Variants in CNOT4 observed in about 807,000 individuals in gnomAD.
CNOT4 encodes the protein CCR4-associated factor 4.
CNOT4 carries 8 observed loss-of-function variants against 73.8 expected under a neutral mutation model. The ratio of observed to expected loss-of-function variants is 0.11; its 90% CI spans 0.06 to 0.20. The LOEUF is 0.20. Among genes scored for constraint, CNOT4 ranks in the 10% least tolerant of loss-of-function variants. The probability of loss-of-function intolerance (pLI) is 1.00; values close to 1 mark genes in which losing one functional copy is unlikely to be tolerated. For synonymous variants in CNOT4, 293 were observed against 321.1 expected, an observed-to-expected ratio of 0.91 and a Z score of 0.94; for missense variants, 564 against 883.4, an observed-to-expected ratio of 0.64 and a Z score of 4.58.
chr7:135,452,579 A>T (rs1479487866), intron 1 of CNOT4, among the ~76,000 whole-genome samples: 1 of 152,206 alleles, frequency 6.6e-6, no homozygotes, highest in Non-Finnish European at 1.5e-5. Flanking sequence ...TCAAGAAAAG[A>T]AAAAGAAAAG....
rs1355772151 is a variant in CNOT4, at chr7:135,388,631, C to T, written c.1627+5287G>A. The T allele has an allele frequency of 1.0e-5, 13 of 1,261,218 alleles. No homozygotes were observed. In the East Asian group the frequency reaches 3.6e-4, roughly 35 times the overall value. The allele number at this position is 1,261,218 out of a possible 1,614,324, so 78.1% of individuals were successfully genotyped here. ...ATGTTAAAGGCCTAATGAAGAAATA[C>T]TTCAACAACTATGAGGTAACACGCT... On this transcript the variant is annotated intron_variant, in intron 10 of 11. Coordinates refer to ENST00000541284, the MANE Select transcript of CNOT4 (RefSeq NM_001190850.2).
At chr7:135,375,091 C>T (rs1448676082) in intron 10 of CNOT4, among the ~76,000 whole-genome samples, 1 of 152,080 alleles carries the variant, frequency 6.6e-6, no homozygotes, top group Non-Finnish European at 1.5e-5. Flanking sequence ...TATAAAAGAA[C>T]TCTATAAACA....
chr7:135,485,812 CG>C (rs746854778), intron 1 of CNOT4, among the ~76,000 whole-genome samples: 6 of 152,000 alleles, frequency 3.9e-5, no homozygotes, highest in Admixed American at 6.6e-5. Flanking sequence ...AAATGTAAAA[CG>C]TAAAAGTATA....
intron 10 of CNOT4, among the ~76,000 whole-genome samples, chr7:135,378,532 C>A (rs377251612): frequency 7.1e-6 from 1 of 141,442 alleles, no homozygotes; most frequent in Non-Finnish European, 1.5e-5. Flanking sequence ...AAAAAAAAAA[C>A]AAGAATATAC....
chr7:135,364,869 A>T lies in CNOT4; in HGVS notation c.1628-803T>A, dbSNP rs1016502687. Among the ~76,000 whole-genome samples the T allele has an allele frequency of 5.3e-5, 8 of 152,248 alleles. No individual in the cohort carries two copies. The highest frequency in any genetic ancestry group is 1.9e-4 in the African/African-American group (8 of 41,472). On this transcript the variant is annotated intron_variant, in intron 10 of 11. Transcript: ENST00000541284. The surrounding 1 kb of genome is among the most constrained non-coding windows in gnomAD (Gnocchi z 4.3). The stretch of plus-strand genomic sequence containing the variant: ...TGTGACTAAACTAACTTGATCTACT[A>T]CCATCCAGAATCCACATAGTATAAC...
chr7:135,449,056 C>T lies in CNOT4; in HGVS notation c.-92-10633G>A, dbSNP rs143138705. On this transcript the variant is annotated intron_variant, in intron 1 of 11. Transcript: ENST00000541284. ...GAAAAACTATCTTAAGTAATGATGA[C>T]TGTATAAAAATGAAGAACTACAGGT... Among the ~76,000 whole-genome samples, 192 of 152,186 alleles carry T rather than the reference C, an allele frequency of 1.3e-3. 1 individual carries two copies. The highest frequency in any genetic ancestry group is 4.5e-3 in the African/African-American group (186 of 41,540).
At chr7:135,415,315 A>G in intron 3 of CNOT4, 53 bp from the exon 4 acceptor site, 1 of 898,146 alleles carries the variant, frequency 1.1e-6, no homozygotes, top group South Asian at 1.4e-5. Context: ...AAACAACTTT[A>G]TCCTTATAAT....
intron 1 of CNOT4, among the ~76,000 whole-genome samples, chr7:135,442,105 A>T (rs1311837646): frequency 6.6e-6 from 1 of 152,228 alleles, no homozygotes; most frequent in African/African-American, 2.4e-5. Flanking sequence ...AAAGAATTTG[A>T]TGTACTCATC....
intron 1 of CNOT4, among the ~76,000 whole-genome samples, chr7:135,493,386 T>C (rs1278127948): frequency 6.6e-6 from 1 of 152,024 alleles, no homozygotes; most frequent in African/African-American, 2.4e-5. Context: ...GATGACATTA[T>C]CAGAAAAAAA....
Position 135,438,938 on chromosome 7 carries a change from T to C in CNOT4, c.-92-515A>G, listed in dbSNP as rs1459413027. ...GAAAAACTCGGATGCCATAGAACCA[T>C]AGACCTTAACAATACAACTAATTAT... On this transcript the variant is annotated intron_variant, in intron 1 of 11. Transcript: ENST00000541284. 3.9e-5 allele frequency among the ~76,000 whole-genome samples: 6 copies of C among 152,214 alleles called. No individual in the cohort carries two copies. The East Asian group carries it at 1.2e-3, about 29-fold the overall frequency.
intron 1 of CNOT4, among the ~76,000 whole-genome samples, chr7:135,500,935 A>G (rs1166541938): frequency 1.3e-5 from 2 of 151,496 alleles, no homozygotes; most frequent in Admixed American, 6.6e-5. Flanking sequence ...TCTCCAGTGA[A>G]TATCTTTAAA....
At chr7:135,372,286 G>T (rs1357074894) in intron 10 of CNOT4, among the ~76,000 whole-genome samples, 1 of 152,194 alleles carries the variant, frequency 6.6e-6, no homozygotes, top group Non-Finnish European at 1.5e-5. Context: ...ACCCTAGGAG[G>T]ACGTGACATA....
At chr7:135,365,954 T>G in intron 10 of CNOT4, among the ~76,000 whole-genome samples, 1 of 152,226 alleles carries the variant, frequency 6.6e-6, no homozygotes, top group East Asian at 1.9e-4. Context: ...CTCTAACTTT[T>G]AAAGCAGTCC....
In CNOT4 at chr7:135,422,197, C is replaced by T. The variant is rs777997403; in HGVS notation, c.331G>A (p.Val111Ile). ...CGCTGAGATAAACCTACAACAAAGA[C>T]GAGGTTTTTTTGTACGACACGTACA... ...ASVRVVQKNLVFVVGLSQRLA... is the reference protein window; with the variant it reads ...ASVRVVQKNLIFVVGLSQRLA... The change falls in exon 3 of 12, where the codon GTC (valine) becomes ATC (isoleucine). Residue 111 changes from valine (V) to isoleucine (I), a missense_variant. By Grantham distance (29) the Val-to-Ile change is conservative (BLOSUM62 3). Around this residue, in one of 10 missense-constraint regions of CNOT4, gnomAD observed 76 missense variants for 208.7 expected, o/e 0.36. Transcript: ENST00000541284. The T allele has an allele frequency of 5.6e-6, 9 of 1,612,620 alleles. No individual in the cohort carries two copies. The highest frequency in any genetic ancestry group is 7.6e-6 in the Non-Finnish European group (9 of 1,178,708).
At chr7:135,377,555 CTTTT>C (rs922503585) in intron 10 of CNOT4, among the ~76,000 whole-genome samples, 21 of 152,054 alleles carry the variant, frequency 1.4e-4, no homozygotes, top group African/African-American at 2.4e-5. Context: ...GAAATACAAA[CTTTT>C]TTTGTTTTCA....
intron 1 of CNOT4, among the ~76,000 whole-genome samples, chr7:135,479,085 A>C (rs1481229029): frequency 2.0e-5 from 3 of 152,196 alleles, no homozygotes; most frequent in African/African-American, 7.2e-5. Flanking sequence ...TAGAAATGAA[A>C]TTGCTAGATG....
Position 135,363,003 on chromosome 7 carries a change from G to C in CNOT4, c.2024C>G (p.Pro675Arg). 1.2e-6 allele frequency: 2 copies of C among 1,613,786 alleles called. No homozygotes were observed. The highest frequency in any genetic ancestry group is 1.7e-6 in the Non-Finnish European group (2 of 1,179,936). ...GAAGCTGGAAGGGTTTGAAGGAGGA[G>C]GGTAGGGATTCCAACTGGCTCTGTG... Reference protein sequence around the residue: ...PLHRASWNPYPPPSNPSSFHS... With the variant: ...PLHRASWNPYRPPSNPSSFHS... Residue 675 changes from proline (P) to arginine (R), a missense_variant, in exon 12 of 12, where the codon CCT (proline) becomes CGT (arginine). By Grantham distance (103) the Pro-to-Arg change is moderately radical. Transcript: ENST00000541284. This position sits in a 1 kb window ranked among gnomAD's most constrained non-coding sequence, Gnocchi z 4.3.
intron 1 of CNOT4, among the ~76,000 whole-genome samples, chr7:135,462,204 T>G (rs1400320392): frequency 1.3e-5 from 2 of 152,152 alleles, no homozygotes; most frequent in African/African-American, 4.8e-5. Flanking sequence ...TCTACAACTT[T>G]TATAATATTA....
chr7:135,491,983 C>G (rs1222971103), intron 1 of CNOT4, among the ~76,000 whole-genome samples: 1 of 152,144 alleles, frequency 6.6e-6, no homozygotes, highest in Non-Finnish European at 1.5e-5. Context: ...AAGACAGCAG[C>G]AAGGTCTATT....
Sources: allele counts gnomAD v4.1 joint callset (sites outside exome capture counted in the v4.1 genomes callset), GRCh38; gene constraint gnomAD v4.1.1; regional missense constraint gnomAD v4.1.1; non-coding constraint Gnocchi (gnomAD v3.1); transcripts MANE v1.5; gene names NCBI Gene and HGNC (gene_info 2026-07-23, HGNC 2026-07-21).